NME7: variants seen among roughly 807,000 people sequenced by gnomAD.
NME7 encodes NME/NM23 family member 7.
A neutral mutation model predicts 49.1 loss-of-function variants in NME7; 41 were observed. That is an observed-to-expected ratio of 0.83 (90% CI 0.65 to 1.08). NME7 has a LOEUF of 1.08. NME7 is among the 50% of genes least tolerant of loss of function. The pLI is 0.00. For synonymous variants in NME7, 139 were observed against 150.6 expected (o/e 0.92, Z 0.56); for missense variants, 423 against 463.4 (o/e 0.91, Z 0.80).
At chr1:169,147,159 T>A (rs567763865) in intron 11 of NME7, among the ~76,000 whole-genome samples, 1 of 152,336 alleles carries the variant, frequency 6.6e-6, no homozygotes, top group East Asian at 1.9e-4. Context: ...ATATTTTTAA[T>A]CTAAAACTGA....
intron 11 of NME7, among the ~76,000 whole-genome samples, chr1:169,146,445 G>GT (rs1658753987): frequency 1.3e-5 from 2 of 152,182 alleles, no homozygotes; most frequent in Non-Finnish European, 2.9e-5. Context: ...GCCCTTTGGA[G>GT]TATGACATAA....
chr1:169,358,574 C>G (rs1038851842), intron 1 of NME7, among the ~76,000 whole-genome samples: 6 of 151,930 alleles, frequency 3.9e-5, no homozygotes, highest in African/African-American at 7.2e-5. Context: ...GACAATAAAC[C>G]TTGAATTTTA....
intron 10 of NME7, among the ~76,000 whole-genome samples, chr1:169,224,821 G>A (rs1350055932): frequency 6.6e-6 from 1 of 152,064 alleles, no homozygotes; most frequent in East Asian, 1.9e-4. Flanking sequence ...ACATGATCTT[G>A]GGGAACAATT....
intron 11 of NME7, among the ~76,000 whole-genome samples, chr1:169,144,761 C>A (rs144292467): frequency 6.0e-4 from 91 of 152,200 alleles, no homozygotes; most frequent in African/African-American, 2.1e-3. Flanking sequence ...GGCACTGTGG[C>A]GTGCACCTGC....
intron 1 of NME7, among the ~76,000 whole-genome samples, chr1:169,335,678 AAATATATAT>A (rs1652432365): frequency 6.8e-6 from 1 of 148,012 alleles, no homozygotes; most frequent in Non-Finnish European, 1.5e-5. Flanking sequence ...TTTTTAGAAG[AAATATATAT>A]AATATATATG....
At chr1:169,158,022 T>G (rs1396092337) in intron 11 of NME7, among the ~76,000 whole-genome samples, 4 of 152,230 alleles carry the variant, frequency 2.6e-5, no homozygotes, top group African/African-American at 9.6e-5. Context: ...ACTATGTTGA[T>G]AGGTTCTTTT....
intron 7 of NME7, among the ~76,000 whole-genome samples, chr1:169,253,356 C>T (rs558838174): frequency 1.1e-3 from 165 of 150,794 alleles, no homozygotes; most frequent in Non-Finnish European, 1.8e-3. Flanking sequence ...TGATTTGGCT[C>T]TCTGTTTGTC....
chr1:169,320,634 T>C (rs1651818896), intron 3 of NME7, among the ~76,000 whole-genome samples: 1 of 152,188 alleles, frequency 6.6e-6, no homozygotes, highest in Non-Finnish European at 1.5e-5. Flanking sequence ...TTTTTGAAAC[T>C]CTTCGGTTTG....
At chr1:169,155,845 A>G (rs1431466584) in intron 11 of NME7, among the ~76,000 whole-genome samples, 1 of 151,774 alleles carries the variant, frequency 6.6e-6, no homozygotes, top group Non-Finnish European at 1.5e-5. Context: ...CAAGAGAACA[A>G]CTTGACTTAA....
chr1:169,304,412 G>C (rs1437987642), intron 4 of NME7, among the ~76,000 whole-genome samples: 1 of 152,108 alleles, frequency 6.6e-6, no homozygotes, highest in African/African-American at 2.4e-5. Context: ...ATGCTTTTAA[G>C]ATTTTATCAG....
At chr1:169,174,690 A>G (rs922864979) in intron 10 of NME7, among the ~76,000 whole-genome samples, 1 of 152,220 alleles carries the variant, frequency 6.6e-6, no homozygotes, top group Non-Finnish European at 1.5e-5. Flanking sequence ...CAACTGTAAC[A>G]CAATGATAAA....
Position 169,367,735 on chromosome 1 carries a change from A to G in NME7, c.-25T>C. 7 of 1,614,080 alleles carry G rather than the reference A, an allele frequency of 4.3e-6. No individual in the cohort carries two copies. The highest frequency in any genetic ancestry group is 5.9e-6 in the Non-Finnish European group (7 of 1,179,994). On this transcript the variant is annotated 5_prime_UTR_variant, in exon 1 of 12. Transcript: ENST00000367811. ...TTGTCTCAGGATCTCAGCACTAGAAAATAGGTATCGTTGAGACAGGAAGAC... is the reference window on the plus strand; with the variant it reads ...TTGTCTCAGGATCTCAGCACTAGAAGATAGGTATCGTTGAGACAGGAAGAC...
intron 1 of NME7, among the ~76,000 whole-genome samples, chr1:169,325,907 A>G (rs1652042725): frequency 6.6e-6 from 1 of 152,160 alleles, no homozygotes; most frequent in African/African-American, 2.4e-5. Context: ...GCCTTTCATC[A>G]TATATATTTT....
chr1:169,138,156 C>T (rs760864228), intron 11 of NME7, among the ~76,000 whole-genome samples: 13 of 151,706 alleles, frequency 8.6e-5, no homozygotes, highest in Non-Finnish European at 1.6e-4. Context: ...ACTAAAAATA[C>T]AAAAATTAGC....
At position 169,158,285 on chromosome 1, in the gene NME7, T is replaced by G. The variant is rs1659141731; in HGVS notation, c.1098+11162A>C. Among the ~76,000 whole-genome samples the G allele has an allele frequency of 2.0e-5, 3 of 152,296 alleles. No individual in the cohort carries two copies. In the South Asian group the frequency reaches 6.2e-4, roughly 32 times the overall value. ...AGTTTAATTTATAAATTAGGCACAG[T>G]AAGAGATTAACAATAAAATAGCATA... On this transcript the variant is annotated intron_variant, in intron 11 of 11. Transcript: ENST00000367811.
chr1:169,314,288 C>T (rs1571380942), intron 3 of NME7, among the ~76,000 whole-genome samples: 1 of 151,268 alleles, frequency 6.6e-6, no homozygotes, highest in East Asian at 1.9e-4. Context: ...ACAACAAAAA[C>T]AGCATATAAT....
intron 9 of NME7, among the ~76,000 whole-genome samples, chr1:169,231,396 C>G (rs1459127613): frequency 4.6e-5 from 7 of 152,084 alleles, no homozygotes; most frequent in African/African-American, 9.7e-5. Context: ...GTTTCCAGAC[C>G]AGTAGACCAG....
At chr1:169,167,026 A>G (rs1336553989) in intron 11 of NME7, among the ~76,000 whole-genome samples, 2 of 152,204 alleles carry the variant, frequency 1.3e-5, no homozygotes, top group African/African-American at 4.8e-5. Context: ...CTAACCAAGA[A>G]CACTTTTGTA....
At chr1:169,333,267 A>G (rs1557826269) in intron 1 of NME7, among the ~76,000 whole-genome samples, 1 of 152,080 alleles carries the variant, frequency 6.6e-6, no homozygotes, top group Non-Finnish European at 1.5e-5. Context: ...AAAAAATTGA[A>G]CTCATGGACA....
Sources: gnomAD v4.1 joint callset for allele counts (sites outside exome capture counted in the v4.1 genomes callset) on GRCh38, gnomAD v4.1.1 for gene constraint, MANE v1.5 for transcripts, NCBI Gene and HGNC (gene_info 2026-07-23, HGNC 2026-07-21) for gene names.